The following IMPG2 variants were observed in gnomAD, a reference collection of about 807,000 sequenced individuals.
The protein encoded by IMPG2 is interphotoreceptor matrix proteoglycan 2.
Under a neutral mutation model 129.2 loss-of-function variants are expected in IMPG2, and 91 were observed. That is an observed-to-expected ratio of 0.70 (90% CI 0.59 to 0.84). IMPG2 has a LOEUF of 0.84. IMPG2 is among the 40% of genes least tolerant of loss of function. The pLI is 0.00. For missense variants in IMPG2, 1,430 were observed against 1,461.7 expected, an observed-to-expected ratio of 0.98 and a Z score of 0.35; for synonymous variants, 510 against 517.7, an observed-to-expected ratio of 0.99 and a Z score of 0.20.
intron 2 of IMPG2, among the ~76,000 whole-genome samples, chr3:101,306,191 A>C (rs1304078005): frequency 6.6e-6 from 1 of 152,232 alleles, no homozygotes; most frequent in Non-Finnish European, 1.5e-5. Flanking sequence ...TATCTGTGAA[A>C]GTATTTTACA....
At chr3:101,263,728 G>A (rs571335119) in intron 9 of IMPG2, among the ~76,000 whole-genome samples, 3 of 151,468 alleles carry the variant, frequency 2.0e-5, no homozygotes, top group African/African-American at 7.2e-5. Flanking sequence ...AAGACATGGA[G>A]ACCAAAATAA....
At chr3:101,234,726 G>A (rs1296912768) in intron 14 of IMPG2, among the ~76,000 whole-genome samples, 1 of 152,180 alleles carries the variant, frequency 6.6e-6, no homozygotes, top group African/African-American at 2.4e-5. Context: ...GTCTATAGGG[G>A]TGAGGAAGAT....
In IMPG2 at chr3:101,267,448, C is replaced by G. The variant is rs554985928; in HGVS notation, c.908+63G>C. The stretch of plus-strand genomic sequence containing the variant: ...GAGTTATGCTCCCCTGGACCTACGG[C>G]CTGCTATATTTACTAAACTGTCTCC... On this transcript the variant is annotated intron_variant, in intron 9 of 18. Transcript: ENST00000193391. 442 of 1,348,338 alleles carry G rather than the reference C, an allele frequency of 3.3e-4. 3 individuals are homozygous for G. The South Asian group carries it at 4.6e-3, about 14-fold the overall frequency. The allele number at this position is 1,348,338 out of a possible 1,614,324, so 83.5% of individuals were successfully genotyped here.
chr3:101,231,315 T>G (rs1418967200), intron 15 of IMPG2, among the ~76,000 whole-genome samples, 170 bp from the exon 16 acceptor site: 1 of 152,226 alleles, frequency 6.6e-6, no homozygotes, highest in Admixed American at 6.5e-5. Flanking sequence ...TTTAAGGCAG[T>G]GAATAAAGCC....
intron 3 of IMPG2, among the ~76,000 whole-genome samples, chr3:101,299,035 C>T (rs1200778563): frequency 6.6e-6 from 1 of 152,118 alleles, no homozygotes; most frequent in Non-Finnish European, 1.5e-5. Context: ...TCAGGTACTC[C>T]ACTCATCATA....
In IMPG2 at chr3:101,244,044, C is replaced by A. The variant is rs945565769; in HGVS notation, c.2287G>T (p.Val763Phe). The A allele has an allele frequency of 1.9e-6, 3 of 1,614,054 alleles. No homozygotes were observed. The highest frequency in any genetic ancestry group is 4.5e-5 in the East Asian group (2 of 44,876). ...TGCATATCTGGCTTTACCATTGAAACCTCACTGTCAAACCATTCATAGTTG... is the reference window on the plus strand; with the variant it reads ...TGCATATCTGGCTTTACCATTGAAAACTCACTGTCAAACCATTCATAGTTG... Reference protein sequence around the residue: ...SSNYEWFDSEVSMVKPDMQTL... With the variant: ...SSNYEWFDSEFSMVKPDMQTL... The change falls in exon 13 of 19, where the codon GTT becomes TTT. Residue 763 changes from valine (V) to phenylalanine (F), a missense_variant. By Grantham distance (50) the Val-to-Phe change is conservative (BLOSUM62 -1). Coordinates refer to ENST00000193391, the MANE Select transcript of IMPG2 (RefSeq NM_016247.4).
At chr3:101,281,610 T>G (rs1706893404) in intron 4 of IMPG2, among the ~76,000 whole-genome samples, 1 of 152,164 alleles carries the variant, frequency 6.6e-6, no homozygotes, top group African/African-American at 2.4e-5. Context: ...AATACTAGCC[T>G]CCCAAAGAGG....
chr3:101,226,957 CAGG>C lies in IMPG2; in HGVS notation c.*9_*11del. 1 of 1,613,176 alleles carries C rather than the reference CAGG, an allele frequency of 6.2e-7. No individual in the cohort carries two copies. ...TCCAGGCTTCTAATCAGTTTCAGAACAGGAGTTTTGGTTAAACCTCTTCCCTGC... is the reference window on the plus strand; with the variant it reads ...TCCAGGCTTCTAATCAGTTTCAGAACAGTTTTGGTTAAACCTCTTCCCTGC... On this transcript the variant is annotated 3_prime_UTR_variant, in exon 19 of 19. Coordinates refer to ENST00000193391, the MANE Select transcript of IMPG2 (RefSeq NM_016247.4).
chr3:101,272,839 C>A (rs1706800488), intron 7 of IMPG2, among the ~76,000 whole-genome samples: 2 of 152,218 alleles, frequency 1.3e-5, no homozygotes, highest in South Asian at 4.2e-4. Flanking sequence ...CTAAAGAGAA[C>A]CCCATCAAGA....
At chr3:101,272,741 G>A (rs1294140359) in intron 7 of IMPG2, among the ~76,000 whole-genome samples, 1 of 152,092 alleles carries the variant, frequency 6.6e-6, no homozygotes, top group Non-Finnish European at 1.5e-5. Context: ...ATAATGCTTT[G>A]GCTGAGAGAT....
Position 101,288,112 on chromosome 3 carries a change from T to C in IMPG2, c.533+3367A>G, listed in dbSNP as rs1158093693. Among the ~76,000 whole-genome samples, 3 of 151,988 alleles carry C rather than the reference T, an allele frequency of 2.0e-5. No individual in the cohort carries two copies. The East Asian group carries it at 5.8e-4, about 29-fold the overall frequency. ...GACACTTCTCAAAAGAAGACATACA[T>C]GAGGTCAATATATGAAAAAATGCTC... On this transcript the variant is annotated intron_variant, in intron 4 of 18. Coordinates refer to ENST00000193391, the MANE Select transcript of IMPG2 (RefSeq NM_016247.4).
chr3:101,266,685 GCCA>G (rs1706724202), intron 9 of IMPG2, among the ~76,000 whole-genome samples: 3 of 152,264 alleles, frequency 2.0e-5, no homozygotes, highest in African/African-American at 7.2e-5. Context: ...CAACAACCCA[GCCA>G]TTGTTGAGAT....
chr3:101,278,002 A>T (rs201753472), intron 4 of IMPG2, among the ~76,000 whole-genome samples: 1 of 115,678 alleles, frequency 8.6e-6, no homozygotes, highest in Non-Finnish European at 2.0e-5. Flanking sequence ...TGAGAGGTCC[A>T]GGCGGGTCAA....
chr3:101,297,320 A>G (rs1461384351), intron 3 of IMPG2, among the ~76,000 whole-genome samples: 1 of 151,206 alleles, frequency 6.6e-6, no homozygotes, highest in East Asian at 1.9e-4. Flanking sequence ...CAGTCAATCT[A>G]TTTTGTAAAT....
intron 3 of IMPG2, among the ~76,000 whole-genome samples, chr3:101,294,156 T>C (rs11914353): frequency 3.3e-4 from 50 of 152,330 alleles, no homozygotes; most frequent in African/African-American, 1.2e-3. Context: ...ACATGTGCCA[T>C]GGTGGTTTGC....
intron 14 of IMPG2, among the ~76,000 whole-genome samples, chr3:101,241,535 A>C (rs773132040): frequency 6.6e-6 from 1 of 152,190 alleles, no homozygotes; most frequent in Non-Finnish European, 1.5e-5. Flanking sequence ...CATGGGGGCT[A>C]TATGGAGGAT....
chr3:101,255,457 G>A (rs190575735), intron 10 of IMPG2, among the ~76,000 whole-genome samples: 281 of 152,222 alleles, frequency 1.8e-3, no homozygotes, highest in Non-Finnish European at 3.1e-3. Context: ...TTGCAATACT[G>A]TTTGTGGATA....
chr3:101,310,767 T>C lies in IMPG2; in HGVS notation c.335-6455A>G, dbSNP rs72936163. 3.2e-3 allele frequency among the ~76,000 whole-genome samples: 488 copies of C among 152,264 alleles called. 2 individuals are homozygous for C. Among genetic ancestry groups the C allele is most frequent in the African/African-American group, 0.011 (460 of 41,558 alleles). ...CGAAGAAATGTAGTTGGAAGGAATA[T>C]GGGAGAGCTTCCAGAAGTGATATAA... On this transcript the variant is annotated intron_variant, in intron 2 of 18. Coordinates refer to ENST00000193391, the MANE Select transcript of IMPG2 (RefSeq NM_016247.4).
intron 6 of IMPG2, among the ~76,000 whole-genome samples, chr3:101,274,526 A>C (rs1334065264): frequency 6.6e-6 from 1 of 152,314 alleles, no homozygotes; most frequent in Non-Finnish European, 1.5e-5. Context: ...CATTAGGAAA[A>C]TAGGTGCACA....
Sources: gnomAD v4.1 joint callset for allele counts (sites outside exome capture counted in the v4.1 genomes callset) on GRCh38, gnomAD v4.1.1 for gene constraint, MANE v1.5 for transcripts, NCBI Gene and HGNC (gene_info 2026-07-23, HGNC 2026-07-21) for gene names.